The following ENAH variants were observed in gnomAD, a reference collection of about 807,000 sequenced individuals.
The protein encoded by ENAH is protein enabled homolog.
A neutral mutation model predicts 78.7 loss-of-function variants in ENAH; 23 were observed. The ratio of observed to expected loss-of-function variants is 0.29; its 90% confidence interval spans 0.21 to 0.41. ENAH has a LOEUF of 0.41. Ranked by LOEUF, ENAH falls within the 10% of genes least tolerant of loss-of-function variation. The pLI is 1.00. For synonymous variants in ENAH, 226 were observed against 241.0 expected, an observed-to-expected ratio of 0.94 and a Z score of 0.58; for missense variants, 544 against 691.0, an observed-to-expected ratio of 0.79 and a Z score of 2.39.
chr1:225,601,252 G>A (rs1299552376), intron 1 of ENAH, among the ~76,000 whole-genome samples: 2 of 152,136 alleles, frequency 1.3e-5, no homozygotes, highest in African/African-American at 4.8e-5. Context: ...CAGGCACGGT[G>A]GCTCACGCCT....
intron 11 of ENAH, among the ~76,000 whole-genome samples, chr1:225,507,595 G>A (rs1446273606): frequency 6.6e-6 from 1 of 151,996 alleles, no homozygotes; most frequent in Non-Finnish European, 1.5e-5. Context: ...AAGACAAGTG[G>A]GGCAAAATGT....
chr1:225,614,557 T>C (rs1045541384), intron 1 of ENAH, among the ~76,000 whole-genome samples: 1 of 152,140 alleles, frequency 6.6e-6, no homozygotes, highest in Non-Finnish European at 1.5e-5. Flanking sequence ...AGAGGCTTCA[T>C]TATGTAGACA....
chr1:225,554,437 A>C (rs922041456), intron 3 of ENAH, among the ~76,000 whole-genome samples: 1 of 152,216 alleles, frequency 6.6e-6, no homozygotes, highest in Non-Finnish European at 1.5e-5. Context: ...TCTTTAAAAA[A>C]ACCGAGAATC....
intron 1 of ENAH, among the ~76,000 whole-genome samples, chr1:225,596,413 TC>T (rs2096902189): frequency 6.6e-6 from 1 of 152,156 alleles, no homozygotes. Flanking sequence ...GTTTTCAATG[TC>T]CTGATCTCTT....
At chr1:225,522,301 G>A (rs2096475772) in intron 4 of ENAH, among the ~76,000 whole-genome samples, 1 of 152,024 alleles carries the variant, frequency 6.6e-6, no homozygotes, top group Non-Finnish European at 1.5e-5. Flanking sequence ...AAAAGAAAAG[G>A]CCCATTTGAC....
At chr1:225,547,661 C>T (rs1428227493) in intron 3 of ENAH, among the ~76,000 whole-genome samples, 1 of 152,178 alleles carries the variant, frequency 6.6e-6, no homozygotes, top group Non-Finnish European at 1.5e-5. Context: ...ACCCAAAGGT[C>T]TCAAACGCCC....
chr1:225,609,622 G>A (rs2096976786), intron 1 of ENAH, among the ~76,000 whole-genome samples: 1 of 147,564 alleles, frequency 6.8e-6, no homozygotes. Context: ...GGTTCCTCTT[G>A]AGAGCTGGAT....
intron 1 of ENAH, among the ~76,000 whole-genome samples, chr1:225,599,804 A>AAAAAAAG (rs2096921379): frequency 2.0e-5 from 3 of 150,680 alleles, no homozygotes; most frequent in African/African-American, 7.3e-5. Context: ...CTTAAAAAAA[A>AAAAAAAG]AAAAAAAAAA....
At chr1:225,630,535 A>T (rs1365067652) in intron 1 of ENAH, among the ~76,000 whole-genome samples, 1 of 152,226 alleles carries the variant, frequency 6.6e-6, no homozygotes, top group Non-Finnish European at 1.5e-5. Flanking sequence ...GGAGATGAAC[A>T]GTTGATATTT....
intron 1 of ENAH, among the ~76,000 whole-genome samples, chr1:225,609,868 T>C (rs558558400): frequency 6.6e-6 from 1 of 152,000 alleles, no homozygotes; most frequent in Non-Finnish European, 1.5e-5. Flanking sequence ...TTTTGCTATG[T>C]TGGCCAGGCT....
chr1:225,496,113 T>C lies in ENAH; in HGVS notation c.*1662A>G, dbSNP rs1021369366. The C allele has an allele frequency of 6.6e-6, 1 of 152,578 alleles. No individual in the cohort carries two copies. The highest frequency in any genetic ancestry group is 2.4e-5 in the African/African-American group (1 of 41,450). The allele number at this position is 152,578 out of a possible 1,614,324, so 9.5% of individuals were successfully genotyped here. ...TCTGATAATCAGAGTTCAAAGCAAA[T>C]ATGGCACATAACAACTCAAGCATAA... On this transcript the variant is annotated 3_prime_UTR_variant, in exon 14 of 14. Coordinates refer to ENST00000366843, the MANE Select transcript of ENAH (RefSeq NM_018212.6).
At chr1:225,630,763 G>A (rs1040076917) in intron 1 of ENAH, among the ~76,000 whole-genome samples, 15 of 152,038 alleles carry the variant, frequency 9.9e-5, no homozygotes, top group African/African-American at 3.4e-4. Context: ...TTGGGTTCAT[G>A]TTTTTCATAA....
At chr1:225,635,397 C>A (rs1659881177) in intron 1 of ENAH, among the ~76,000 whole-genome samples, 2 of 152,194 alleles carry the variant, frequency 1.3e-5, no homozygotes, top group East Asian at 3.8e-4. Context: ...ATAGAAATAA[C>A]TGATTTTTGT....
chr1:225,605,820 G>A (rs1444473057), intron 1 of ENAH, among the ~76,000 whole-genome samples: 1 of 152,178 alleles, frequency 6.6e-6, no homozygotes, highest in African/African-American at 2.4e-5. Flanking sequence ...GAAGATCACT[G>A]TGGACAGAGA....
chr1:225,635,380 T>C (rs1226407623), intron 1 of ENAH, among the ~76,000 whole-genome samples: 1 of 152,222 alleles, frequency 6.6e-6, no homozygotes, highest in Non-Finnish European at 1.5e-5. Context: ...TTGTTTATCG[T>C]AGGTGTATAG....
chr1:225,569,411 A>C (rs149571160), intron 1 of ENAH, among the ~76,000 whole-genome samples: 3 of 152,204 alleles, frequency 2.0e-5, no homozygotes, highest in Admixed American at 6.5e-5. Flanking sequence ...CCAACATGGC[A>C]CACGTATACC....
At chr1:225,636,289 T>C (rs1330761277) in intron 1 of ENAH, among the ~76,000 whole-genome samples, 1 of 152,184 alleles carries the variant, frequency 6.6e-6, no homozygotes, top group Non-Finnish European at 1.5e-5. Flanking sequence ...CAGAAAAAAC[T>C]AACAGTCAAT....
rs534082821 is a variant in ENAH, at chr1:225,541,440, CA to C, written c.350-10803del. ...ACAGAGTGAGACTCAGTCTCAAAAA[CA>C]AAAAAAAAACCCAAAATGTTCTAAA... On this transcript the variant is annotated intron_variant, in intron 3 of 13. Coordinates refer to ENST00000366843, the MANE Select transcript of ENAH (RefSeq NM_018212.6). 2.7e-3 allele frequency among the ~76,000 whole-genome samples: 395 copies of C among 146,224 alleles called. 3 individuals carry two copies. Among genetic ancestry groups the C allele is most frequent in the Middle Eastern group, 3.5e-3 (1 of 288 alleles).
chr1:225,652,792 G>T lies in ENAH; in HGVS notation c.-102C>A, dbSNP rs909807690. ...CAGGGGTGGGGAGCAGCTCGGAGAC[G>T]GGAGACAAGTGTCCGGCTCCTCCTT... On this transcript the variant is annotated 5_prime_UTR_variant, in exon 1 of 14. Transcript: ENST00000366843. The T allele has an allele frequency of 2.0e-6, 2 of 1,015,094 alleles. No individual in the cohort carries two copies. Among genetic ancestry groups the T allele is most frequent in the East Asian group, 6.5e-5 (2 of 30,718 alleles). The allele number at this position is 1,015,094 out of a possible 1,614,324, so 62.9% of individuals were successfully genotyped here.
Sources: gnomAD v4.1 joint callset for allele counts (sites outside exome capture counted in the v4.1 genomes callset) on GRCh38, gnomAD v4.1.1 for gene constraint, MANE v1.5 for transcripts, NCBI Gene and HGNC (gene_info 2026-07-23, HGNC 2026-07-21) for gene names.